Variants in PTPRM observed in about 807,000 individuals in gnomAD.
PTPRM encodes protein tyrosine phosphatase receptor type M, also known as receptor-type tyrosine-protein phosphatase mu.
Under a neutral mutation model 186.7 loss-of-function variants are expected in PTPRM, and 47 were observed. The observed-to-expected ratio is 0.25, with a 90% CI of 0.20 to 0.32. The LOEUF (loss-of-function observed/expected upper bound fraction) is 0.32, where lower values mean the gene tolerates loss of function less well. Ranked by LOEUF, PTPRM falls within the 10% of genes least tolerant of loss-of-function variation. The pLI is 1.00. For missense variants in PTPRM, 1,494 were observed against 1,865.0 expected, an observed-to-expected ratio of 0.80 and a Z score of 3.66; for synonymous variants, 668 against 674.9, an observed-to-expected ratio of 0.99 and a Z score of 0.16.
chr18:7,715,881 A>T (rs1375959202), intron 1 of PTPRM, among the ~76,000 whole-genome samples: 4 of 152,238 alleles, frequency 2.6e-5, no homozygotes, highest in Non-Finnish European at 5.9e-5. Flanking sequence ...ATGGAAAAAC[A>T]TTCCATGTTC....
chr18:7,985,429 G>A (rs1264736876), intron 7 of PTPRM, among the ~76,000 whole-genome samples: 1 of 132,606 alleles, frequency 7.5e-6, no homozygotes, highest in Non-Finnish European at 1.6e-5. Flanking sequence ...ACATATACTG[G>A]TAGATACGTA....
At chr18:7,996,916 T>A (rs964761423) in intron 7 of PTPRM, among the ~76,000 whole-genome samples, 2 of 152,136 alleles carry the variant, frequency 1.3e-5, no homozygotes, top group Non-Finnish European at 2.9e-5. Flanking sequence ...ATATTACATG[T>A]GTATGGATTA....
At chr18:8,393,514 A>T (rs1169237265) in intron 31 of PTPRM, among the ~76,000 whole-genome samples, 1 of 152,220 alleles carries the variant, frequency 6.6e-6, no homozygotes, top group African/African-American at 2.4e-5. Context: ...GCACGACTGG[A>T]TCCTGGACCA....
intron 7 of PTPRM, among the ~76,000 whole-genome samples, chr18:7,963,156 G>A (rs965178371): frequency 6.6e-6 from 1 of 152,246 alleles, no homozygotes; most frequent in African/African-American, 2.4e-5. Context: ...GCAGATGTCA[G>A]ATACTTTGGG....
chr18:7,613,825 T>C (rs556355583), intron 1 of PTPRM, among the ~76,000 whole-genome samples: 1 of 152,330 alleles, frequency 6.6e-6, no homozygotes, highest in African/African-American at 2.4e-5. Context: ...TCCCTTCCAA[T>C]TGGTTTAATT....
intron 32 of PTPRM, among the ~76,000 whole-genome samples, chr18:8,400,415 C>T (rs567124814): frequency 6.6e-6 from 1 of 152,362 alleles, no homozygotes; most frequent in African/African-American, 2.4e-5. Flanking sequence ...CGCCCACCCC[C>T]AACTCCCGGG....
At chr18:7,618,639 C>T (rs949853271) in intron 1 of PTPRM, among the ~76,000 whole-genome samples, 3 of 152,182 alleles carry the variant, frequency 2.0e-5, no homozygotes, top group African/African-American at 4.8e-5. Flanking sequence ...TTCTGCAGCA[C>T]CTTTCCTCGT....
chr18:8,400,449 A>C (rs1259113212), intron 32 of PTPRM, among the ~76,000 whole-genome samples: 1 of 152,214 alleles, frequency 6.6e-6, no homozygotes, highest in Non-Finnish European at 1.5e-5. Context: ...ATACCAGTGC[A>C]CAGGCCTGCC....
chr18:7,953,321 A>G (rs1568067906), intron 6 of PTPRM, among the ~76,000 whole-genome samples: 1 of 152,146 alleles, frequency 6.6e-6, no homozygotes, highest in South Asian at 2.1e-4. Context: ...TTGCAACTCG[A>G]AAGTAATTAA....
At chr18:7,972,513 GAA>G (rs11463155) in intron 7 of PTPRM, among the ~76,000 whole-genome samples, 3 of 65,944 alleles carry the variant, frequency 4.5e-5, no homozygotes, top group Admixed American at 3.5e-4. Flanking sequence ...ACATGGAATA[GAA>G]AAAAAAAAAA....
chr18:7,803,459 C>T (rs1490087521), intron 2 of PTPRM, among the ~76,000 whole-genome samples: 1 of 152,120 alleles, frequency 6.6e-6, no homozygotes, highest in Non-Finnish European at 1.5e-5. Context: ...TGGATAATCT[C>T]CCCATCTCCA....
intron 30 of PTPRM, among the ~76,000 whole-genome samples, chr18:8,386,690 A>T (rs1207896992): frequency 6.6e-6 from 1 of 152,162 alleles, no homozygotes; most frequent in Non-Finnish European, 1.5e-5. Context: ...CTATCTTCAC[A>T]CTGAGCTCAG....
intron 20 of PTPRM, among the ~76,000 whole-genome samples, chr18:8,304,569 A>G (rs2095199111): frequency 6.6e-6 from 1 of 152,136 alleles, no homozygotes; most frequent in Admixed American, 6.6e-5. Flanking sequence ...AGTTTGTTAC[A>G]TTTCTTGATG....
intron 14 of PTPRM, among the ~76,000 whole-genome samples, chr18:8,200,822 A>C (rs1263919764): frequency 6.6e-6 from 1 of 152,256 alleles, no homozygotes; most frequent in Non-Finnish European, 1.5e-5. Context: ...AAAGTAAAAA[A>C]CACGAAGCCT....
chr18:8,290,278 A>T (rs2095028202), intron 19 of PTPRM, among the ~76,000 whole-genome samples: 1 of 152,104 alleles, frequency 6.6e-6, no homozygotes. Flanking sequence ...GGGAGGAAAA[A>T]TTTTATTTCA....
chr18:8,019,609 T>C (rs1254910209), intron 7 of PTPRM, among the ~76,000 whole-genome samples: 1 of 151,860 alleles, frequency 6.6e-6, no homozygotes, highest in Non-Finnish European at 1.5e-5. Flanking sequence ...CTTTTTTTAA[T>C]GTAAACCCTT....
At chr18:7,693,912 G>A (rs150244776) in intron 1 of PTPRM, among the ~76,000 whole-genome samples, 31 of 152,194 alleles carry the variant, frequency 2.0e-4, no homozygotes, top group African/African-American at 7.2e-4. Flanking sequence ...TAGGACTGGC[G>A]TTTTCAAAAA....
intron 27 of PTPRM, 116 bp from the exon 28 acceptor site, chr18:8,379,051 G>GCC: frequency 1.3e-6 from 1 of 786,030 alleles, no homozygotes; most frequent in African/African-American, 1.8e-5. Context: ...GGGAGGGAGG[G>GCC]GGAAGGGACC....
At chr18:8,167,142 A>T (rs2093335655) in intron 14 of PTPRM, among the ~76,000 whole-genome samples, 1 of 152,248 alleles carries the variant, frequency 6.6e-6, no homozygotes, top group Non-Finnish European at 1.5e-5. Context: ...TGAAGCATCT[A>T]AGTAGGCTTG....
Sources: allele counts gnomAD v4.1 joint callset (sites outside exome capture counted in the v4.1 genomes callset), GRCh38; gene constraint gnomAD v4.1.1; transcripts MANE v1.5; gene names NCBI Gene and HGNC (gene_info 2026-07-23, HGNC 2026-07-21).